The following SHB variants were observed in gnomAD, a reference collection of about 807,000 sequenced individuals.
SHB encodes the protein SH2 domain containing adaptor protein B, also known as SH2 domain-containing adapter protein B.
A neutral mutation model predicts 52.3 loss-of-function variants in SHB; 20 were observed. The observed-to-expected ratio is 0.38, with a 90% confidence interval of 0.27 to 0.56. SHB has a LOEUF of 0.56. SHB is among the 20% of genes least tolerant of loss of function. SHB has a pLI of 0.71. For missense variants in SHB, 825 were observed against 723.3 expected, an observed-to-expected ratio of 1.14 and a Z score of -1.61; for synonymous variants, 397 against 316.5, an observed-to-expected ratio of 1.25 and a Z score of -2.70.
chr9:37,923,318 T>A (rs984477463), intron 5 of SHB, among the ~76,000 whole-genome samples: 1 of 152,134 alleles, frequency 6.6e-6, no homozygotes, highest in Non-Finnish European at 1.5e-5. Context: ...TGACGGCAGG[T>A]CAGAGACAGC....
rs754867738 is a variant in SHB at position 38,068,177 on chromosome 9, C to A, written c.469G>T (p.Gly157Cys). The change falls in exon 1 of 6, where the codon GGC (glycine) becomes TGC (cysteine). Residue 157 changes from glycine (G) to cysteine (C), a missense_variant. Transcript: ENST00000377707. ...CTGCTGCGGTAGAGATGCGGAGAGC[C>A]GGAGGACGAGGACGAGGACGCGGCG... ...GAAASSSSSS[G>C]SPHLYRSSSE... 6 of 1,430,368 alleles carry A rather than the reference C, an allele frequency of 4.2e-6. No individual in the cohort carries two copies. The African/African-American group carries it at 9.0e-5, about 21-fold the overall frequency. 88.6% of individuals were successfully genotyped at this position (1,430,368 alleles called of 1,614,324 possible). A position where few individuals can be genotyped will look rare whatever the true frequency, so the allele number is the denominator to read the frequency against.
intron 4 of SHB, among the ~76,000 whole-genome samples, chr9:37,954,551 A>G (rs1249078887): frequency 6.6e-6 from 1 of 152,136 alleles, no homozygotes; most frequent in Non-Finnish European, 1.5e-5. Context: ...AGTCCTTGCC[A>G]AGGCTCTGCA....
At chr9:38,001,720 T>C (rs1250242063) in intron 2 of SHB, among the ~76,000 whole-genome samples, 1 of 152,220 alleles carries the variant, frequency 6.6e-6, no homozygotes, top group Non-Finnish European at 1.5e-5. Flanking sequence ...CACAGAGGGT[T>C]AGGGTTAGTT....
intron 1 of SHB, among the ~76,000 whole-genome samples, chr9:38,048,025 G>A (rs564309104): frequency 5.6e-4 from 85 of 152,322 alleles, no homozygotes; most frequent in African/African-American, 1.9e-3. Context: ...GACACTCAGC[G>A]GCTTTGAAGT....
At chr9:38,031,981 C>G (rs1339686350) in intron 1 of SHB, among the ~76,000 whole-genome samples, 1 of 152,158 alleles carries the variant, frequency 6.6e-6, no homozygotes, top group East Asian at 1.9e-4. Context: ...ACCCAGCTTT[C>G]TCTCTTCACC....
intron 3 of SHB, among the ~76,000 whole-genome samples, chr9:37,961,364 TTCCACTGTCCTG>T (rs1832690324): frequency 1.3e-5 from 2 of 152,162 alleles, no homozygotes; most frequent in South Asian, 4.1e-4. Flanking sequence ...GTGGATCTCT[TTCCACTGTCCTG>T]TCCACTGTTC....
intron 4 of SHB, among the ~76,000 whole-genome samples, chr9:37,952,726 G>T (rs1331287056): frequency 6.6e-6 from 1 of 151,972 alleles, no homozygotes; most frequent in Non-Finnish European, 1.5e-5. Context: ...GGCAAAAAAA[G>T]GAATCAAGAT....
At chr9:37,963,480 G>A (rs1254639370) in intron 3 of SHB, among the ~76,000 whole-genome samples, 6 of 152,210 alleles carry the variant, frequency 3.9e-5, no homozygotes, top group African/African-American at 1.4e-4. Context: ...TGGCTGACAG[G>A]AGGGGCTTGA....
In SHB at chr9:37,918,216, C is replaced by A. The variant is rs1316261188; in HGVS notation, c.*1605G>T. ...TGGTGCCTGGCGAAGGCTCTGGAAC[C>A]CTTGTATCTCATTCAGGAGAGGGCA... On this transcript the variant is annotated 3_prime_UTR_variant, in exon 6 of 6. Transcript: ENST00000377707. Among the ~76,000 whole-genome samples the A allele has an allele frequency of 6.6e-6, 1 of 152,228 alleles. No individual in the cohort carries two copies. The highest frequency in any genetic ancestry group is 1.5e-5 in the Non-Finnish European group (1 of 68,048).
intron 1 of SHB, among the ~76,000 whole-genome samples, chr9:38,019,595 T>G (rs968254586): frequency 6.6e-6 from 1 of 152,248 alleles, no homozygotes; most frequent in African/African-American, 2.4e-5. Context: ...GTGGGACAGC[T>G]GCACTTGTGA....
At position 38,015,327 on chromosome 9, in the gene SHB, A is replaced by C. The variant is rs142373663; in HGVS notation, c.838+684T>G. The C allele has an allele frequency of 6.1e-5, 41 of 673,706 alleles. No homozygotes were observed. In the African/African-American group the frequency reaches 6.9e-4, roughly 11 times the overall value. 41.7% of individuals were successfully genotyped at this position (673,706 alleles called of 1,614,324 possible). A position where few individuals can be genotyped will look rare whatever the true frequency, so the allele number is the denominator to read the frequency against. On this transcript the variant is annotated intron_variant, in intron 2 of 5. Transcript: ENST00000377707. ...CCCTTCACTTCTTAAAGATGCTCCAAGTCTTGTATTATCCTGGCTAAAATA... is the reference window on the plus strand; with the variant it reads ...CCCTTCACTTCTTAAAGATGCTCCACGTCTTGTATTATCCTGGCTAAAATA...
chr9:38,064,689 T>C (rs1474438282), intron 1 of SHB, among the ~76,000 whole-genome samples: 1 of 152,208 alleles, frequency 6.6e-6, no homozygotes, highest in Non-Finnish European at 1.5e-5. Context: ...CCAGAGATCA[T>C]GGACAAGTCT....
intron 1 of SHB, among the ~76,000 whole-genome samples, chr9:38,045,433 C>A (rs547009869): frequency 3.3e-5 from 5 of 151,480 alleles, no homozygotes; most frequent in Admixed American, 6.6e-5. Flanking sequence ...AGACCCCCCC[C>A]ACCCCCAAGT....
rs1049944003 is a variant in SHB at position 37,917,228 on chromosome 9, C to T, written c.*2593G>A. On this transcript the variant is annotated 3_prime_UTR_variant, in exon 6 of 6. Transcript: ENST00000377707. ...TTCATAAAATTAAGGGAAAAAAATTCTTTTCAGCAGCTCCCATCCTGTAAG... is the reference window on the plus strand; with the variant it reads ...TTCATAAAATTAAGGGAAAAAAATTTTTTTCAGCAGCTCCCATCCTGTAAG... 2.6e-5 allele frequency among the ~76,000 whole-genome samples: 4 copies of T among 152,152 alleles called. No individual in the cohort carries two copies. The highest frequency in any genetic ancestry group is 6.5e-5 in the Admixed American group (1 of 15,284).
intron 5 of SHB, among the ~76,000 whole-genome samples, chr9:37,939,638 G>A (rs1305612636): frequency 6.6e-6 from 1 of 152,154 alleles, no homozygotes; most frequent in Non-Finnish European, 1.5e-5. Context: ...TCCAGCTTTG[G>A]TCCAGAGAAC....
At chr9:38,017,288 G>A (rs968182886) in intron 1 of SHB, among the ~76,000 whole-genome samples, 2 of 152,158 alleles carry the variant, frequency 1.3e-5, no homozygotes, top group South Asian at 2.1e-4. Flanking sequence ...GCAGGTTAGC[G>A]TTCCTCTCAA....
intron 1 of SHB, among the ~76,000 whole-genome samples, chr9:38,066,751 T>C (rs534788407): frequency 6.6e-6 from 1 of 152,254 alleles, no homozygotes; most frequent in African/African-American, 2.4e-5. Flanking sequence ...TCCTCTCTCC[T>C]GGCAAACAAA....
intron 1 of SHB, among the ~76,000 whole-genome samples, chr9:38,019,517 T>A (rs1427828817): frequency 1.3e-5 from 2 of 152,252 alleles, no homozygotes; most frequent in African/African-American, 4.8e-5. Context: ...AGGAAAGGAC[T>A]AGAGGAAGGT....
intron 2 of SHB, among the ~76,000 whole-genome samples, chr9:37,984,460 C>A (rs1319370141): frequency 6.6e-6 from 1 of 152,212 alleles, no homozygotes; most frequent in Non-Finnish European, 1.5e-5. Context: ...CTAGTCACCC[C>A]ATTTTATAGA....
Sources: allele counts gnomAD v4.1 joint callset (sites outside exome capture counted in the v4.1 genomes callset), GRCh38; gene constraint gnomAD v4.1.1; transcripts MANE v1.5; gene names NCBI Gene and HGNC (gene_info 2026-07-23, HGNC 2026-07-21).